Variants in MMP16 observed in about 807,000 individuals in gnomAD.
MMP16 encodes the protein matrix metallopeptidase 16.
MMP16 carries 12 observed loss-of-function variants against 67.8 expected under a neutral mutation model. The observed-to-expected ratio is 0.18, with a 90% confidence interval of 0.11 to 0.29. The LOEUF is 0.29. MMP16 is among the 10% of genes least tolerant of loss of function. The probability of loss-of-function intolerance (pLI) is 1.00; values close to 1 mark genes in which losing one functional copy is unlikely to be tolerated. For synonymous variants in MMP16, 249 were observed against 255.9 expected, an observed-to-expected ratio of 0.97 and a Z score of 0.26; for missense variants, 475 against 765.7, an observed-to-expected ratio of 0.62 and a Z score of 4.48.
chr8:88,284,338 C>T (rs989940159), intron 1 of MMP16, among the ~76,000 whole-genome samples: 2 of 152,048 alleles, frequency 1.3e-5, no homozygotes, highest in African/African-American at 4.8e-5. Context: ...TAATGTGGTG[C>T]ATATCAAATA....
intron 4 of MMP16, among the ~76,000 whole-genome samples, chr8:88,163,283 T>C (rs1464595759): frequency 2.6e-5 from 4 of 151,962 alleles, no homozygotes; most frequent in African/African-American, 9.7e-5. Flanking sequence ...CAGGAATGAG[T>C]GGGTTTGGAT....
At chr8:88,095,900 G>C (rs1402492918) in intron 6 of MMP16, among the ~76,000 whole-genome samples, 1 of 151,938 alleles carries the variant, frequency 6.6e-6, no homozygotes, top group Non-Finnish European at 1.5e-5. Flanking sequence ...TAGTGAATAA[G>C]AGAGTGTATA....
intron 8 of MMP16, among the ~76,000 whole-genome samples, chr8:88,052,660 CAA>C (rs1328225696): frequency 1.3e-5 from 2 of 152,216 alleles, no homozygotes; most frequent in Admixed American, 1.3e-4. Flanking sequence ...TGGTCCCTAT[CAA>C]CCAGTTTGAC....
At chr8:88,177,208 A>G (rs1030391205) in intron 3 of MMP16, among the ~76,000 whole-genome samples, 4 of 152,192 alleles carry the variant, frequency 2.6e-5, no homozygotes, top group Non-Finnish European at 5.9e-5. Context: ...ATGTGTGTAT[A>G]TATTTCGTAT....
chr8:88,087,590 G>A (rs139977922), intron 6 of MMP16, among the ~76,000 whole-genome samples: 198 of 151,868 alleles, frequency 1.3e-3, no homozygotes, highest in Middle Eastern at 6.8e-3. Context: ...CATACCACAC[G>A]AGAGGAATTT....
intron 6 of MMP16, among the ~76,000 whole-genome samples, chr8:88,115,786 G>A (rs1040877557): frequency 2.6e-5 from 4 of 151,864 alleles, no homozygotes; most frequent in African/African-American, 9.7e-5. Context: ...ATACTGAGGG[G>A]AAAACTATTT....
intron 6 of MMP16, among the ~76,000 whole-genome samples, chr8:88,077,888 C>A (rs542621201): frequency 6.6e-6 from 1 of 152,162 alleles, no homozygotes; most frequent in South Asian, 2.1e-4. Flanking sequence ...ACTTAAAGGT[C>A]TTTGAACCAT....
chr8:88,238,211 C>G (rs554511556), intron 1 of MMP16, among the ~76,000 whole-genome samples: 2 of 152,044 alleles, frequency 1.3e-5, no homozygotes, highest in Non-Finnish European at 2.9e-5. Flanking sequence ...CATCAAAGAT[C>G]CTGAACAAGA....
At chr8:88,090,328 A>G (rs1808912753) in intron 6 of MMP16, among the ~76,000 whole-genome samples, 1 of 151,990 alleles carries the variant, frequency 6.6e-6, no homozygotes, top group Admixed American at 6.6e-5. Context: ...TTTCAATTGA[A>G]CTGAAAGGGA....
chr8:88,215,269 G>A (rs974948849), intron 1 of MMP16, among the ~76,000 whole-genome samples: 1 of 151,972 alleles, frequency 6.6e-6, no homozygotes, highest in Non-Finnish European at 1.5e-5. Context: ...GGCGGAGGTT[G>A]CAGTGAGCTG....
chr8:88,088,074 CTATATATCTA>C (rs1808870510), intron 6 of MMP16, among the ~76,000 whole-genome samples: 1 of 98,304 alleles, frequency 1.0e-5, no homozygotes, highest in African/African-American at 4.3e-5. Context: ...TAATAGATAT[CTATATATCTA>C]TATATAATAG....
chr8:88,294,966 G>C (rs1168356959), intron 1 of MMP16, among the ~76,000 whole-genome samples: 3 of 152,182 alleles, frequency 2.0e-5, no homozygotes, highest in African/African-American at 7.2e-5. Context: ...AACCATCTTG[G>C]CCTCCCAAAG....
intron 1 of MMP16, among the ~76,000 whole-genome samples, chr8:88,230,542 T>C (rs879311667): frequency 9.2e-5 from 14 of 151,400 alleles, no homozygotes; most frequent in Admixed American, 1.3e-4. Context: ...TTTCTTTTTT[T>C]TTTTTTTTTT....
chr8:88,117,239 G>A (rs879565652), intron 5 of MMP16, among the ~76,000 whole-genome samples: 1 of 152,034 alleles, frequency 6.6e-6, no homozygotes, highest in Non-Finnish European at 1.5e-5. Flanking sequence ...TTCTTCTAAT[G>A]AAATATTTTG....
intron 1 of MMP16, among the ~76,000 whole-genome samples, chr8:88,226,873 CACGT>C (rs71503471): frequency 2.6e-5 from 3 of 115,814 alleles, no homozygotes; most frequent in Non-Finnish European, 5.4e-5. Context: ...ACTCAGCCTA[CACGT>C]ATTTATTTAT....
At chr8:88,318,069 G>A (rs1288973669) in intron 1 of MMP16, among the ~76,000 whole-genome samples, 3 of 152,122 alleles carry the variant, frequency 2.0e-5, no homozygotes, top group African/African-American at 7.2e-5. Flanking sequence ...CATAAAACAT[G>A]CCAGTCAGTA....
chr8:88,266,263 G>T (rs1810475275), intron 1 of MMP16, among the ~76,000 whole-genome samples: 1 of 152,122 alleles, frequency 6.6e-6, no homozygotes, highest in Non-Finnish European at 1.5e-5. Context: ...CTATTATTCT[G>T]TCATCTGTAA....
At chr8:88,077,816 TAAAAATTCTA>T (rs1808676098) in intron 6 of MMP16, among the ~76,000 whole-genome samples, 1 of 152,180 alleles carries the variant, frequency 6.6e-6, no homozygotes, top group African/African-American at 2.4e-5. Flanking sequence ...CACACAAACA[TAAAAATTCTA>T]TTTGAAAAGG....
At chr8:88,140,087 A>G (rs182484301) in intron 4 of MMP16, among the ~76,000 whole-genome samples, 1 of 152,134 alleles carries the variant, frequency 6.6e-6, no homozygotes, top group African/African-American at 2.4e-5. Context: ...AGAAATTGCA[A>G]TTTGATACGG....
Sources: allele counts gnomAD v4.1 joint callset (sites outside exome capture counted in the v4.1 genomes callset), GRCh38; gene constraint gnomAD v4.1.1; transcripts MANE v1.5; gene names NCBI Gene and HGNC (gene_info 2026-07-23, HGNC 2026-07-21).